Variants in FBRSL1 observed in about 807,000 individuals in gnomAD.
FBRSL1 encodes the protein fibrosin like 1.
A neutral mutation model predicts 89.6 loss-of-function variants in FBRSL1; 51 were observed. The observed-to-expected ratio is 0.57, with a 90% CI of 0.45 to 0.72. FBRSL1 has a LOEUF of 0.72. Ranked by LOEUF, FBRSL1 falls within the 30% of genes least tolerant of loss-of-function variation. The pLI is 0.00. For missense variants in FBRSL1, 1,618 were observed against 1,451.8 expected, an observed-to-expected ratio of 1.11 and a Z score of -1.86; for synonymous variants, 779 against 681.1, an observed-to-expected ratio of 1.14 and a Z score of -2.24.
At chr12:132,562,029 G>A (rs772066921) in intron 5 of FBRSL1, among the ~76,000 whole-genome samples, 18 of 152,152 alleles carry the variant, frequency 1.2e-4, no homozygotes, top group Non-Finnish European at 2.4e-4. Flanking sequence ...CCAAAGGCTG[G>A]TCTGGACTCC....
intron 5 of FBRSL1, chr12:132,553,198 C>A (rs2038340059): frequency 6.6e-6 from 1 of 152,526 alleles, no homozygotes; most frequent in African/African-American, 2.4e-5. Flanking sequence ...GCCACCGTCT[C>A]TGGGGAACGT....
chr12:132,526,220 C>T (rs894914341), intron 3 of FBRSL1, among the ~76,000 whole-genome samples: 35 of 152,230 alleles, frequency 2.3e-4, no homozygotes, highest in African/African-American at 8.2e-4. Flanking sequence ...GGCGGACGGC[C>T]GCCGAGTCTT....
intron 4 of FBRSL1, among the ~76,000 whole-genome samples, chr12:132,533,147 C>T (rs937234681): frequency 2.7e-5 from 4 of 150,462 alleles, no homozygotes; most frequent in Non-Finnish European, 5.9e-5. Flanking sequence ...CCAGCCTCTC[C>T]CTGGAGTCAG....
At chr12:132,567,657 G>A in intron 6 of FBRSL1, 131 bp downstream of exon 6, 2 of 932,462 alleles carry the variant, frequency 2.1e-6, no homozygotes, top group Admixed American at 2.4e-5. Flanking sequence ...GAGCTGGGTG[G>A]GACCAGGGTG....
intron 2 of FBRSL1, among the ~76,000 whole-genome samples, chr12:132,523,004 G>A (rs867354283): frequency 1.3e-5 from 2 of 152,286 alleles, no homozygotes; most frequent in East Asian, 1.9e-4. Flanking sequence ...CATAAGCATC[G>A]GTTGGACGGG....
chr12:132,532,011 G>A (rs1332972030), intron 4 of FBRSL1, among the ~76,000 whole-genome samples: 9 of 152,320 alleles, frequency 5.9e-5, no homozygotes, highest in African/African-American at 1.4e-4. Context: ...TGACTCCAGC[G>A]TGGCAGGGGG....
At chr12:132,538,248 G>A (rs931837489) in intron 4 of FBRSL1, among the ~76,000 whole-genome samples, 4 of 152,158 alleles carry the variant, frequency 2.6e-5, no homozygotes, top group South Asian at 2.1e-4. Context: ...CCACGTTCTC[G>A]CCGACGCAGG....
chr12:132,500,775 G>A (rs547868311), intron 1 of FBRSL1, among the ~76,000 whole-genome samples: 5 of 152,022 alleles, frequency 3.3e-5, no homozygotes, highest in South Asian at 4.2e-4. Flanking sequence ...TGCAGACTCC[G>A]TCCAGCCTGG....
At chr12:132,513,214 G>C (rs531018477) in intron 2 of FBRSL1, among the ~76,000 whole-genome samples, 10 of 152,300 alleles carry the variant, frequency 6.6e-5, no homozygotes, top group Non-Finnish European at 1.2e-4. Flanking sequence ...GTGGGCCTGC[G>C]AGGCCTCCGG....
chr12:132,507,153 C>T (rs1593269855), intron 1 of FBRSL1: 1 of 979,150 alleles, frequency 1.0e-6, no homozygotes, highest in East Asian at 1.1e-4. Flanking sequence ...CTGTGGCCCT[C>T]CGTGGGGGCG....
At chr12:132,564,179 G>A (rs550121417) in intron 5 of FBRSL1, among the ~76,000 whole-genome samples, 2 of 152,302 alleles carry the variant, frequency 1.3e-5, no homozygotes, top group South Asian at 4.1e-4. Flanking sequence ...CTGGACACGG[G>A]TGTCCCTCTG....
chr12:132,525,818 A>G lies in FBRSL1; in HGVS notation c.574A>G (p.Ser192Gly). The change falls in exon 3 of 19, where the codon AGC becomes GGC. Residue 192 changes from serine (S) to glycine (G), a missense_variant. Physicochemically the swap from Ser to Gly is moderately conservative, Grantham distance 56 (BLOSUM62 0). Coordinates refer to ENST00000680143, the MANE Select transcript of FBRSL1 (RefSeq NM_001367871.1). ...AGCCACCAGCTCCCGGGACCCGCTC[A>G]GCGATGTGAGTACCCAGCTGCCCGC... ...LEATSSRDPL[S>G]DSSAHAVSGR... The G allele has an allele frequency of 6.5e-7, 1 of 1,548,506 alleles. No homozygotes were observed. Among genetic ancestry groups the G allele is most frequent in the Non-Finnish European group, 8.7e-7 (1 of 1,145,346 alleles).
At chr12:132,564,331 C>G (rs997582105) in intron 5 of FBRSL1, among the ~76,000 whole-genome samples, 2 of 152,170 alleles carry the variant, frequency 1.3e-5, no homozygotes, top group African/African-American at 4.8e-5. Context: ...CAGTGAGGAC[C>G]TAGTAATCCA....
rs374180662 is a variant in FBRSL1, at chr12:132,576,784, G to A, written c.1702-15G>A. 433 of 1,549,146 alleles carry A rather than the reference G, an allele frequency of 2.8e-4. 1 individual carries two copies. Among genetic ancestry groups the A allele is most frequent in the Admixed American group, 2.0e-3 (104 of 50,856 alleles). Reference sequence around the variant, plus strand: ...GTCCCCGGGCAGGCGGCCCTCACCCGTTCTATCCTCCCAGGAGATGCAGCT... The same window carrying A: ...GTCCCCGGGCAGGCGGCCCTCACCCATTCTATCCTCCCAGGAGATGCAGCT... On this transcript the variant is annotated splice_polypyrimidine_tract_variant and intron_variant, in intron 14 of 18. Transcript: ENST00000680143.
chr12:132,511,946 T>TA (rs1418028475), intron 2 of FBRSL1: 1 of 983,442 alleles, frequency 1.0e-6, no homozygotes, highest in Non-Finnish European at 1.2e-6. Context: ...CACTATTTTT[T>TA]ATAACAGCAT....
At chr12:132,524,742 T>A (rs944758146) in intron 2 of FBRSL1, among the ~76,000 whole-genome samples, 1 of 152,100 alleles carries the variant, frequency 6.6e-6, no homozygotes, top group Non-Finnish European at 1.5e-5. Context: ...TCCACGTGAG[T>A]CTGGGCGCTG....
At chr12:132,497,987 C>T (rs538276197) in intron 1 of FBRSL1, among the ~76,000 whole-genome samples, 195 of 152,266 alleles carry the variant, frequency 1.3e-3, no homozygotes, top group Non-Finnish European at 1.2e-3. Flanking sequence ...GGTCGTGTGG[C>T]AGCAGCTGGG....
chr12:132,497,759 G>GC (rs1013001130), intron 1 of FBRSL1, among the ~76,000 whole-genome samples: 1 of 152,196 alleles, frequency 6.6e-6, no homozygotes, highest in Admixed American at 6.5e-5. Flanking sequence ...CTTCTTAGTG[G>GC]CCCGGGGTCA....
intron 1 of FBRSL1, among the ~76,000 whole-genome samples, chr12:132,497,731 C>T (rs1241226317): frequency 3.3e-5 from 5 of 152,316 alleles, no homozygotes; most frequent in East Asian, 3.9e-4. Context: ...GAGGCAACCC[C>T]GGGCTGGGGA....
Sources: allele counts gnomAD v4.1 joint callset (sites outside exome capture counted in the v4.1 genomes callset), GRCh38; gene constraint gnomAD v4.1.1; transcripts MANE v1.5; gene names NCBI Gene and HGNC (gene_info 2026-07-23, HGNC 2026-07-21).